The following DLGAP1 variants were observed in gnomAD, a reference collection of about 807,000 sequenced individuals.
DLGAP1 encodes the protein DLG associated protein 1.
DLGAP1 carries 11 observed loss-of-function variants against 90.8 expected under a neutral mutation model. The observed-to-expected ratio is 0.12, with a 90% confidence interval of 0.08 to 0.20. The LOEUF (loss-of-function observed/expected upper bound fraction) is 0.20. DLGAP1 is among the 10% of genes least tolerant of loss of function. DLGAP1 has a pLI of 1.00. For synonymous variants in DLGAP1, 558 were observed against 540.7 expected (o/e 1.03, Z -0.44); for missense variants, 1,050 against 1,333.8 (o/e 0.79, Z 3.31).
At chr18:3,674,142 G>A (rs766051870) in intron 7 of DLGAP1, among the ~76,000 whole-genome samples, 2 of 151,766 alleles carry the variant, frequency 1.3e-5, no homozygotes, top group Non-Finnish European at 2.9e-5. Flanking sequence ...ATGCCTGGCC[G>A]ATTGCTACTC....
At chr18:3,573,919 C>G (rs1386627279) in intron 8 of DLGAP1, among the ~76,000 whole-genome samples, 1 of 152,138 alleles carries the variant, frequency 6.6e-6, no homozygotes, top group Non-Finnish European at 1.5e-5. Context: ...TTAAGCTGGT[C>G]TTGAATTCCC....
chr18:4,294,547 C>A (rs747063936), intron 1 of DLGAP1: 3 of 152,338 alleles, frequency 2.0e-5, no homozygotes, highest in African/African-American at 7.2e-5. Flanking sequence ...GGAACCAGAG[C>A]GAGAGCTTTT....
At chr18:4,164,573 G>A (rs573750186) in intron 1 of DLGAP1, among the ~76,000 whole-genome samples, 167 of 152,182 alleles carry the variant, frequency 1.1e-3, no homozygotes, top group Admixed American at 2.0e-3. Flanking sequence ...CCAGCTACTT[G>A]GGAGGCTGAG....
intron 2 of DLGAP1, among the ~76,000 whole-genome samples, chr18:4,113,998 G>A (rs902205948): frequency 7.1e-6 from 1 of 141,672 alleles, no homozygotes; most frequent in Non-Finnish European, 1.5e-5. Context: ...GTACCATGCT[G>A]TTTTAATTAT....
chr18:4,194,762 A>G (rs62086492), intron 1 of DLGAP1, among the ~76,000 whole-genome samples: 18,818 of 152,192 alleles, frequency 0.12, 1,382 homozygotes, highest in South Asian at 0.28. Context: ...AATAGAGTCT[A>G]TAGGTGTATT....
chr18:4,051,551 TC>T, intron 2 of DLGAP1, among the ~76,000 whole-genome samples: 1 of 152,276 alleles, frequency 6.6e-6, no homozygotes, highest in South Asian at 2.1e-4. Context: ...TCCCACTGGG[TC>T]CCTCCCACAA....
At chr18:4,116,692 G>A (rs2076069081) in intron 2 of DLGAP1, among the ~76,000 whole-genome samples, 1 of 151,610 alleles carries the variant, frequency 6.6e-6, no homozygotes, top group Non-Finnish European at 1.5e-5. Context: ...ATTTTCATTT[G>A]GTACCTTTAA....
chr18:3,862,634 G>A (rs1265787073), intron 4 of DLGAP1, among the ~76,000 whole-genome samples: 1 of 152,220 alleles, frequency 6.6e-6, no homozygotes, highest in Non-Finnish European at 1.5e-5. Flanking sequence ...AGCAGGTCAT[G>A]AGTGACTAAT....
At chr18:4,349,446 T>A (rs922662004) in intron 1 of DLGAP1, among the ~76,000 whole-genome samples, 56 of 152,008 alleles carry the variant, frequency 3.7e-4, no homozygotes, top group Admixed American at 3.7e-3. Context: ...ATGACATTTG[T>A]GGCACAAACT....
At chr18:3,725,912 T>C (rs1168705002) in intron 7 of DLGAP1, among the ~76,000 whole-genome samples, 1 of 152,206 alleles carries the variant, frequency 6.6e-6, no homozygotes, top group African/African-American at 2.4e-5. Flanking sequence ...CAGACTCTTG[T>C]CTGTGATTTC....
intron 2 of DLGAP1, among the ~76,000 whole-genome samples, chr18:4,135,868 T>C (rs911221299): frequency 2.6e-5 from 4 of 151,636 alleles, no homozygotes; most frequent in Non-Finnish European, 5.9e-5. Flanking sequence ...TTATTCTTCT[T>C]ATTATTTTTT....
At chr18:3,758,567 G>A (rs7232083) in intron 5 of DLGAP1, among the ~76,000 whole-genome samples, 43,171 of 151,956 alleles carry the variant, frequency 0.28, 6,973 homozygotes, top group East Asian at 0.54. Context: ...TTCTTTTTCT[G>A]CCCTCTTATG....
At chr18:3,845,585 C>G (rs924456195) in intron 4 of DLGAP1, 1 of 985,430 alleles carries the variant, frequency 1.0e-6, no homozygotes, top group Non-Finnish European at 1.2e-6. Flanking sequence ...TGCTCACTGT[C>G]CCAGCAAAAT....
intron 4 of DLGAP1, among the ~76,000 whole-genome samples, chr18:3,852,691 GT>G (rs2148693092): frequency 6.6e-6 from 1 of 151,986 alleles, no homozygotes; most frequent in South Asian, 2.1e-4. Context: ...TAATTTTTTT[GT>G]TAGATCATTA....
chr18:3,624,333 G>C (rs2058213879), intron 7 of DLGAP1, among the ~76,000 whole-genome samples: 1 of 152,252 alleles, frequency 6.6e-6, no homozygotes, highest in Admixed American at 6.5e-5. Context: ...AGCACAGGCA[G>C]GGATGTGTGC....
intron 4 of DLGAP1, among the ~76,000 whole-genome samples, chr18:3,850,801 G>A (rs2069294194): frequency 6.6e-6 from 1 of 152,088 alleles, no homozygotes; most frequent in South Asian, 2.1e-4. Context: ...AGCTGACTGT[G>A]CTTTATTTTT....
At chr18:3,795,093 T>C (rs1426032881) in intron 5 of DLGAP1, among the ~76,000 whole-genome samples, 1 of 152,194 alleles carries the variant, frequency 6.6e-6, no homozygotes, top group Non-Finnish European at 1.5e-5. Context: ...CAAATTGGCA[T>C]GAGTGTAAGA....
intron 1 of DLGAP1, among the ~76,000 whole-genome samples, chr18:4,189,804 C>T (rs1245765919): frequency 2.6e-5 from 4 of 151,994 alleles, no homozygotes; most frequent in Non-Finnish European, 5.9e-5. Context: ...AGAAACTTAC[C>T]CACACAAATA....
intron 4 of DLGAP1, among the ~76,000 whole-genome samples, chr18:3,860,015 C>G (rs1171446699): frequency 1.3e-5 from 2 of 151,794 alleles, no homozygotes; most frequent in African/African-American, 4.8e-5. Context: ...AGGAGAATGG[C>G]GTGAACCTGG....
Sources: gnomAD v4.1 joint callset for allele counts (sites outside exome capture counted in the v4.1 genomes callset) on GRCh38, gnomAD v4.1.1 for gene constraint, MANE v1.5 for transcripts, NCBI Gene and HGNC (gene_info 2026-07-23, HGNC 2026-07-21) for gene names.